The following MGAT4C variants were observed in gnomAD, a reference collection of about 807,000 sequenced individuals.
MGAT4C encodes alpha-1,3-mannosyl-glycoprotein 4-beta-N-acetylglucosaminyltransferase C.
A neutral mutation model predicts 40.1 loss-of-function variants in MGAT4C; 19 were observed. The observed-to-expected ratio is 0.47, with a 90% CI of 0.33 to 0.70. MGAT4C has a LOEUF of 0.70. MGAT4C is among the 30% of genes least tolerant of loss of function. The pLI, the probability that MGAT4C is intolerant of heterozygous loss-of-function variation, is 0.02. For synonymous variants in MGAT4C, 181 were observed against 187.1 expected (o/e 0.97, Z 0.27); for missense variants, 491 against 563.2 (o/e 0.87, Z 1.30).
rs1012893085 is a variant in MGAT4C at position 86,021,228 on chromosome 12, T to C, written c.-7+28446A>G. Among the ~76,000 whole-genome samples, 25 of 152,236 alleles carry C rather than the reference T, an allele frequency of 1.6e-4. No individual in the cohort carries two copies. The East Asian group carries it at 3.3e-3, about 20-fold the overall frequency. On this transcript the variant is annotated intron_variant, in intron 2 of 4. Transcript: ENST00000611864. ...AGAAATACCATTTGACCCAGCCATCTCATTACTGGGTATATACCCAAAGGA... is the reference window on the plus strand; with the variant it reads ...AGAAATACCATTTGACCCAGCCATCCCATTACTGGGTATATACCCAAAGGA...
chr12:86,059,261 T>G (rs888643294), intron 1 of MGAT4C, among the ~76,000 whole-genome samples: 3 of 152,080 alleles, frequency 2.0e-5, no homozygotes, highest in African/African-American at 7.2e-5. Flanking sequence ...TGGCCAGTCT[T>G]GAATTCCTGA....
In MGAT4C at chr12:86,757,693, T is replaced by C. The variant is rs142379999; in HGVS notation, c.-261-30452A>G. Among the ~76,000 whole-genome samples the C allele has an allele frequency of 5.5e-3, 844 of 152,276 alleles. 3 individuals are homozygous for C. Among genetic ancestry groups the C allele is most frequent in the Non-Finnish European group, 9.0e-3 (610 of 68,022 alleles). ...ATTTATGCTTAAAAATGTAAAGGGT[T>C]GTCACAATGGGACTGTATGCCTACC... is the stretch of plus-strand genomic sequence containing the variant. On this transcript the variant is annotated intron_variant, in intron 1 of 7. Transcript: ENST00000548651.
intron 3 of MGAT4C, among the ~76,000 whole-genome samples, chr12:86,384,922 G>A (rs939542079): frequency 2.0e-5 from 3 of 152,140 alleles, no homozygotes; most frequent in Admixed American, 6.5e-5. Flanking sequence ...TTAGGTAGCT[G>A]TTCTCTTTCA....
chr12:86,765,648 T>C (rs1951492084), intron 1 of MGAT4C, among the ~76,000 whole-genome samples: 1 of 152,110 alleles, frequency 6.6e-6, no homozygotes, highest in Non-Finnish European at 1.5e-5. Context: ...GAGAAGCCCA[T>C]CAGACTAACA....
chr12:86,721,747 T>C (rs777791928), intron 2 of MGAT4C, among the ~76,000 whole-genome samples: 15 of 152,190 alleles, frequency 9.9e-5, no homozygotes, highest in Non-Finnish European at 1.9e-4. Flanking sequence ...TAAGGCTTTA[T>C]ATAACGTAAG....
intron 1 of MGAT4C, among the ~76,000 whole-genome samples, chr12:86,779,684 C>T (rs575034008): frequency 2.0e-5 from 3 of 152,092 alleles, no homozygotes; most frequent in South Asian, 2.1e-4. Flanking sequence ...GAGGCCAAGG[C>T]GGGCGGATCA....
intron 2 of MGAT4C, among the ~76,000 whole-genome samples, chr12:86,684,431 T>C (rs1043117045): frequency 7.2e-5 from 11 of 152,244 alleles, no homozygotes; most frequent in African/African-American, 2.4e-4. Flanking sequence ...CAGTCTATCA[T>C]TGATGGGCAT....
At chr12:86,435,422 CT>C (rs1366902514) in intron 2 of MGAT4C, among the ~76,000 whole-genome samples, 1 of 151,854 alleles carries the variant, frequency 6.6e-6, no homozygotes, top group African/African-American at 2.4e-5. Flanking sequence ...TTTGGTTTCT[CT>C]GTTCAATACT....
chr12:85,993,697 G>C (rs1886259349), intron 2 of MGAT4C, among the ~76,000 whole-genome samples: 1 of 152,132 alleles, frequency 6.6e-6, no homozygotes, highest in African/African-American at 2.4e-5. Flanking sequence ...GGGCCTTCTG[G>C]GAGTGGTCAC....
intron 2 of MGAT4C, among the ~76,000 whole-genome samples, chr12:86,667,777 G>A (rs1964152331): frequency 6.6e-6 from 1 of 152,130 alleles, no homozygotes; most frequent in Admixed American, 6.5e-5. Context: ...CTGTGTAAAA[G>A]TCTTTCTTAG....
intron 4 of MGAT4C, among the ~76,000 whole-genome samples, chr12:86,261,942 A>G (rs1167277131): frequency 6.6e-6 from 1 of 152,116 alleles, no homozygotes; most frequent in East Asian, 1.9e-4. Flanking sequence ...TTTATGCCTC[A>G]GGTTGCAATT....
intron 1 of MGAT4C, among the ~76,000 whole-genome samples, chr12:86,184,777 A>T (rs986859330): frequency 7.0e-6 from 1 of 143,328 alleles, no homozygotes; most frequent in African/African-American, 2.6e-5. Context: ...ATGGGAGGAC[A>T]TTGTTTTGGA....
chr12:86,779,234 T>C (rs1951793000), intron 1 of MGAT4C, among the ~76,000 whole-genome samples: 1 of 152,094 alleles, frequency 6.6e-6, no homozygotes, highest in Non-Finnish European at 1.5e-5. Flanking sequence ...TAAAAAATTA[T>C]AAACAATTGA....
rs371598901 is a variant in MGAT4C at position 86,439,950 on chromosome 12, C to G, written c.-228-4685G>C. ...GAAGAAACAGAAATCCTGAACAGAC[C>G]AATAACAAGCAGTGTGATTGAATCA... On this transcript the variant is annotated intron_variant, in intron 2 of 7. Transcript: ENST00000548651. 9.2e-5 allele frequency among the ~76,000 whole-genome samples: 14 copies of G among 152,144 alleles called. 1 individual carries two copies. The highest frequency in any genetic ancestry group is 3.4e-4 in the African/African-American group (14 of 41,540).
At chr12:86,037,566 G>A (rs1025132694) in intron 2 of MGAT4C, among the ~76,000 whole-genome samples, 1 of 150,182 alleles carries the variant, frequency 6.7e-6, no homozygotes, top group African/African-American at 2.4e-5. Context: ...TCATTCAGGA[G>A]CAGGTTGTTT....
intron 2 of MGAT4C, among the ~76,000 whole-genome samples, chr12:86,435,921 C>A (rs2136273476): frequency 6.6e-6 from 1 of 151,908 alleles, no homozygotes; most frequent in South Asian, 2.1e-4. Context: ...TTTCTGGAAG[C>A]ATTAACTCAT....
At chr12:86,636,898 C>T (rs563718010) in intron 2 of MGAT4C, among the ~76,000 whole-genome samples, 1 of 152,028 alleles carries the variant, frequency 6.6e-6, no homozygotes, top group Admixed American at 6.6e-5. Flanking sequence ...ATTTGCTGTA[C>T]CCTATAATAA....
At chr12:86,430,219 T>A (rs146333052) in intron 3 of MGAT4C, among the ~76,000 whole-genome samples, 7 of 152,326 alleles carry the variant, frequency 4.6e-5, no homozygotes, top group African/African-American at 1.4e-4. Flanking sequence ...ACATCTTTTT[T>A]AGTATTATTT....
intron 3 of MGAT4C, among the ~76,000 whole-genome samples, chr12:86,390,522 T>C (rs977041454): frequency 1.3e-5 from 2 of 152,138 alleles, no homozygotes; most frequent in Non-Finnish European, 2.9e-5. Flanking sequence ...GAAAATAATA[T>C]AATCCTGTGT....
Sources: allele counts gnomAD v4.1 joint callset (sites outside exome capture counted in the v4.1 genomes callset), GRCh38; gene constraint gnomAD v4.1.1; transcripts MANE v1.5; gene names NCBI Gene and HGNC (gene_info 2026-07-23, HGNC 2026-07-21).